The following PIGK variants were observed in gnomAD, a reference collection of about 807,000 sequenced individuals.
PIGK encodes GPI-anchor transamidase.
PIGK carries 42 observed loss-of-function variants against 50.6 expected under a neutral mutation model. The observed-to-expected ratio is 0.83, with a 90% CI of 0.65 to 1.07. PIGK has a LOEUF of 1.07. Ranked by LOEUF, PIGK falls within the 50% of genes least tolerant of loss-of-function variation. The pLI, the probability that PIGK is intolerant of heterozygous loss-of-function variation, is 0.00. For synonymous variants in PIGK, 151 were observed against 156.0 expected, an observed-to-expected ratio of 0.97 and a Z score of 0.24; for missense variants, 448 against 488.7, an observed-to-expected ratio of 0.92 and a Z score of 0.78.
chr1:77,146,245 G>A (rs1207103255), intron 9 of PIGK, among the ~76,000 whole-genome samples: 4 of 152,002 alleles, frequency 2.6e-5, no homozygotes, highest in African/African-American at 9.7e-5. Flanking sequence ...ACTTCTAGAA[G>A]AAAACAAGAA....
intron 5 of PIGK, among the ~76,000 whole-genome samples, chr1:77,165,213 C>T (rs1655209103): frequency 6.6e-6 from 1 of 151,904 alleles, no homozygotes; most frequent in African/African-American, 2.4e-5. Flanking sequence ...AGGAAACAAA[C>T]AAAAAATAAT....
chr1:77,105,588 C>G (rs1207303634), intron 10 of PIGK, among the ~76,000 whole-genome samples: 2 of 151,912 alleles, frequency 1.3e-5, no homozygotes, highest in Non-Finnish European at 2.9e-5. Context: ...AAAGGGACAG[C>G]TTAATCAAAA....
chr1:77,195,950 T>C (rs1656024881), intron 3 of PIGK, among the ~76,000 whole-genome samples: 1 of 152,084 alleles, frequency 6.6e-6, no homozygotes, highest in South Asian at 2.1e-4. Flanking sequence ...AGCATAGTAT[T>C]CAATAGGTAG....
chr1:77,098,678 T>G (rs1201531071), intron 10 of PIGK, among the ~76,000 whole-genome samples: 1 of 152,068 alleles, frequency 6.6e-6, no homozygotes, highest in Non-Finnish European at 1.5e-5. Flanking sequence ...AAGATCTGTA[T>G]TTCAAAATGT....
chr1:77,107,484 T>G (rs1240006472), intron 10 of PIGK, among the ~76,000 whole-genome samples: 1 of 152,220 alleles, frequency 6.6e-6, no homozygotes. Context: ...TCTTTTACAT[T>G]TGCTGAGGAG....
intron 3 of PIGK, among the ~76,000 whole-genome samples, chr1:77,191,206 T>C (rs1211640330): frequency 6.6e-6 from 1 of 152,226 alleles, no homozygotes; most frequent in African/African-American, 2.4e-5. Flanking sequence ...AGTGTTGTAG[T>C]CATGAATGTC....
chr1:77,091,980 G>C lies in PIGK; in HGVS notation c.*394C>G, dbSNP rs1451902171. Reference sequence around the variant, plus strand: ...ATCTCCATATTGGGAAAAAATATGTGCATAAGTCAAAAGATTGGGAGGATA... The same window carrying C: ...ATCTCCATATTGGGAAAAAATATGTCCATAAGTCAAAAGATTGGGAGGATA... On this transcript the variant is annotated 3_prime_UTR_variant, in exon 11 of 11. Transcript: ENST00000370812. 1.3e-5 allele frequency: 2 copies of C among 154,234 alleles called. No individual in the cohort carries two copies. Among genetic ancestry groups the C allele is most frequent in the African/African-American group, 2.4e-5 (1 of 41,458 alleles). The allele number at this position is 154,234 out of a possible 1,614,324, so 9.6% of individuals were successfully genotyped here. A position where few individuals can be genotyped will look rare whatever the true frequency, so the allele number is the denominator to read the frequency against.
intron 9 of PIGK, among the ~76,000 whole-genome samples, chr1:77,137,227 T>A (rs1052113527): frequency 1.3e-5 from 2 of 152,084 alleles, no homozygotes; most frequent in Non-Finnish European, 2.9e-5. Flanking sequence ...AAATGTGAGA[T>A]AGTATAGCCA....
At chr1:77,094,817 T>A (rs1653371789) in intron 10 of PIGK, among the ~76,000 whole-genome samples, 1 of 152,180 alleles carries the variant, frequency 6.6e-6, no homozygotes, top group Non-Finnish European at 1.5e-5. Flanking sequence ...CACTTCATTC[T>A]GGTCTTTCAA....
chr1:77,145,458 A>T (rs1410795560), intron 9 of PIGK, among the ~76,000 whole-genome samples: 2 of 152,068 alleles, frequency 1.3e-5, no homozygotes, highest in Non-Finnish European at 2.9e-5. Flanking sequence ...GTAATGTTTT[A>T]AAAATAACAT....
chr1:77,106,989 A>G (rs1653697631), intron 10 of PIGK, among the ~76,000 whole-genome samples: 1 of 151,602 alleles, frequency 6.6e-6, no homozygotes, highest in East Asian at 1.9e-4. Context: ...TTTCTTCTTT[A>G]TTAGTCTTGC....
At chr1:77,202,206 G>A (rs761868493) in intron 3 of PIGK, among the ~76,000 whole-genome samples, 2 of 152,082 alleles carry the variant, frequency 1.3e-5, no homozygotes, top group Non-Finnish European at 2.9e-5. Context: ...CTTAGCTATG[G>A]GTCTTTAGCA....
chr1:77,117,386 G>T (rs1330301050), intron 10 of PIGK, among the ~76,000 whole-genome samples: 5 of 152,176 alleles, frequency 3.3e-5, no homozygotes, highest in African/African-American at 1.2e-4. Context: ...AGTTGGAAAT[G>T]ATTTTCTCAC....
chr1:77,107,714 G>A (rs1653722341), intron 10 of PIGK, among the ~76,000 whole-genome samples: 1 of 152,114 alleles, frequency 6.6e-6, no homozygotes, highest in Admixed American at 6.5e-5. Context: ...TTATTATTGT[G>A]TGGGAGTCTA....
chr1:77,098,021 G>C (rs1653459478), intron 10 of PIGK, among the ~76,000 whole-genome samples: 1 of 152,004 alleles, frequency 6.6e-6, no homozygotes, highest in Non-Finnish European at 1.5e-5. Flanking sequence ...AGTGTAGAAA[G>C]ACGAATAAAA....
intron 2 of PIGK, 134 bp downstream of exon 2, chr1:77,210,302 A>G: frequency 1.9e-6 from 1 of 519,902 alleles, no homozygotes. Flanking sequence ...TTTAAAATAT[A>G]GCCAAATCAA....
intron 9 of PIGK, 70 bp downstream of exon 9, chr1:77,154,379 A>G (rs1445593240): frequency 2.5e-6 from 3 of 1,205,592 alleles, no homozygotes; most frequent in Admixed American, 2.1e-5. Flanking sequence ...GCCTCTTAAT[A>G]CAATGTTTCA....
At chr1:77,160,434 C>CA (rs1266595570) in intron 8 of PIGK, among the ~76,000 whole-genome samples, 19 of 152,256 alleles carry the variant, frequency 1.2e-4, no homozygotes, top group African/African-American at 4.3e-4. Context: ...GAGATCAATG[C>CA]AAAGCTGCTT....
At chr1:77,175,613 G>C (rs1209702233) in intron 3 of PIGK, among the ~76,000 whole-genome samples, 2 of 152,168 alleles carry the variant, frequency 1.3e-5, no homozygotes, top group African/African-American at 2.4e-5. Context: ...TTTTTGCCTA[G>C]TGTAGAGGGT....
Sources: allele counts gnomAD v4.1 joint callset (sites outside exome capture counted in the v4.1 genomes callset), GRCh38; gene constraint gnomAD v4.1.1; transcripts MANE v1.5; gene names NCBI Gene and HGNC (gene_info 2026-07-23, HGNC 2026-07-21).